Variants in PKHD1L1 observed in about 807,000 individuals in gnomAD.
PKHD1L1 encodes the protein PKHD1 like 1, also known as fibrocystin-L.
In PKHD1L1, 434 loss-of-function variants were observed where a neutral mutation model predicts 462.9. The observed-to-expected ratio is 0.94, with a 90% CI of 0.87 to 1.02. The LOEUF (loss-of-function observed/expected upper bound fraction) is 1.02. Among genes scored for constraint, PKHD1L1 ranks in the 50% least tolerant of loss-of-function variants. The probability of loss-of-function intolerance (pLI) is 0.00; values close to 1 mark genes in which losing one functional copy is unlikely to be tolerated. For missense variants in PKHD1L1, 5,202 were observed against 5,096.1 expected (o/e 1.02, Z -0.63); for synonymous variants, 1,781 against 1,750.0 (o/e 1.02, Z -0.44).
At chr8:109,440,992 T>A in intron 33 of PKHD1L1, 140 bp downstream of exon 33, 1 of 1,040,256 alleles carries the variant, frequency 9.6e-7, no homozygotes. Flanking sequence ...TGTATTTGGT[T>A]AAAGTGATAA....
intron 26 of PKHD1L1, among the ~76,000 whole-genome samples, 182 bp from the exon 27 acceptor site, chr8:109,429,750 A>T (rs1273388200): frequency 6.6e-6 from 1 of 152,210 alleles, no homozygotes; most frequent in Non-Finnish European, 1.5e-5. Flanking sequence ...AATTAAAGTC[A>T]AAAGAGATTA....
chr8:109,523,805 A>G (rs1820683299), intron 76 of PKHD1L1, among the ~76,000 whole-genome samples: 1 of 152,212 alleles, frequency 6.6e-6, no homozygotes, highest in Non-Finnish European at 1.5e-5. Context: ...TGAAAGCCAA[A>G]GCAAGAGAGA....
chr8:109,531,865 G>T lies in PKHD1L1; in HGVS notation c.*1775G>T, dbSNP rs554466615. On this transcript the variant is annotated 3_prime_UTR_variant, in exon 78 of 78. Transcript: ENST00000378402. ...AAAACCTCTGTTCCTGGGATAGGGA[G>T]GGGGAAAGAGACCCAACATGGGCCA... is the stretch of plus-strand genomic sequence containing the variant. Among the ~76,000 whole-genome samples, 2 of 152,078 alleles carry T rather than the reference G, an allele frequency of 1.3e-5. No homozygotes were observed. Among genetic ancestry groups the T allele is most frequent in the South Asian group, 2.1e-4 (1 of 4,816 alleles).
rs912598768 is a variant in PKHD1L1, at chr8:109,508,192, G to A, written c.11323G>A (p.Asp3775Asn). The A allele has an allele frequency of 1.4e-5, 23 of 1,613,322 alleles. No homozygotes were observed. The highest frequency in any genetic ancestry group is 1.9e-5 in the Non-Finnish European group (22 of 1,179,466). Residue 3775 changes from aspartate to asparagine, a missense_variant, in exon 70 of 78, where the codon GAT becomes AAT. By Grantham distance (23) the Asp-to-Asn change is conservative (BLOSUM62 1). Transcript: ENST00000378402. ...EYAMMVIESLDPDTETRRLSP... is the reference protein window; with the variant it reads ...EYAMMVIESLNPDTETRRLSP... ...TGCAATGATGGTTATTGAAAGTCTG[G>A]ATCCTGACACAGAAACTCGAAGACT... is the stretch of plus-strand genomic sequence containing the variant.
At chr8:109,407,758 C>A (rs147035574) in intron 17 of PKHD1L1, among the ~76,000 whole-genome samples, 2 of 152,274 alleles carry the variant, frequency 1.3e-5, no homozygotes, top group East Asian at 3.9e-4. Flanking sequence ...GATCTTTATT[C>A]ATGGTCCTAA....
At chr8:109,414,262 C>T (rs992544361) in intron 21 of PKHD1L1, among the ~76,000 whole-genome samples, 1 of 151,972 alleles carries the variant, frequency 6.6e-6, no homozygotes, top group Non-Finnish European at 1.5e-5. Flanking sequence ...TACAGTACTC[C>T]CCATACATTG....
chr8:109,421,850 C>T (rs186785743), intron 23 of PKHD1L1, among the ~76,000 whole-genome samples: 12 of 152,206 alleles, frequency 7.9e-5, no homozygotes, highest in African/African-American at 2.9e-4. Context: ...TCAAAATTCT[C>T]CCATTTTTCA....
rs114256323 is a variant in PKHD1L1, at chr8:109,413,097, A to G, written c.2236-324A>G. 9.9e-3 allele frequency among the ~76,000 whole-genome samples: 1,507 copies of G among 152,200 alleles called. 31 individuals carry two copies. Among genetic ancestry groups the G allele is most frequent in the African/African-American group, 0.034 (1,427 of 41,548 alleles). ...CTTTTCTATGTGCATTGGACTTTTA[A>G]ATTTACTGAGTAGCTTAGAGTTAGT... On this transcript the variant is annotated intron_variant, in intron 20 of 77. Transcript: ENST00000378402.
At chr8:109,473,239 C>A (rs548896909) in intron 50 of PKHD1L1, among the ~76,000 whole-genome samples, 3 of 152,174 alleles carry the variant, frequency 2.0e-5, no homozygotes, top group East Asian at 3.9e-4. Context: ...AGGCTGGGTG[C>A]GGTGGCTCAT....
At chr8:109,419,554 G>A (rs1814360779) in intron 22 of PKHD1L1, among the ~76,000 whole-genome samples, 2 of 151,392 alleles carry the variant, frequency 1.3e-5, no homozygotes, top group African/African-American at 4.9e-5. Context: ...TTTTTGCTTT[G>A]TTTTATTTTT....
intron 51 of PKHD1L1, among the ~76,000 whole-genome samples, chr8:109,475,490 G>C (rs1817934301): frequency 6.6e-6 from 1 of 152,046 alleles, no homozygotes; most frequent in African/African-American, 2.4e-5. Context: ...CCACATTGCT[G>C]TAGTACTAAG....
At chr8:109,426,269 A>G (rs1055940575) in intron 24 of PKHD1L1, among the ~76,000 whole-genome samples, 1 of 152,106 alleles carries the variant, frequency 6.6e-6, no homozygotes, top group African/African-American at 2.4e-5. Context: ...TTTTAAAAAT[A>G]AAAGTATTTC....
At chr8:109,367,691 T>C (rs1280090528) in intron 2 of PKHD1L1, among the ~76,000 whole-genome samples, 2 of 152,250 alleles carry the variant, frequency 1.3e-5, no homozygotes, top group African/African-American at 2.4e-5. Context: ...GAGACTAGCC[T>C]GGGCAACCAG....
rs1818616911 is a variant in PKHD1L1 at position 109,487,883 on chromosome 8, AG to A, written c.9880+1063del. Among the ~76,000 whole-genome samples the A allele has an allele frequency of 2.9e-4, 42 of 144,156 alleles. 1 individual carries two copies. The South Asian group carries it at 9.7e-3, about 33-fold the overall frequency. 94.6% of individuals were successfully genotyped at this position (144,156 alleles called of 152,430 possible). On this transcript the variant is annotated intron_variant, in intron 59 of 77. Coordinates refer to ENST00000378402, the MANE Select transcript of PKHD1L1 (RefSeq NM_177531.6). ...GAGAGAAAGACAGAGAGAAAGAGAG[AG>A]AGAGAGAGGAAGGAAGGAAGGAAGG...
chr8:109,392,734 T>A (rs778874563), intron 9 of PKHD1L1, among the ~76,000 whole-genome samples: 2 of 152,218 alleles, frequency 1.3e-5, no homozygotes, highest in African/African-American at 2.4e-5. Flanking sequence ...ATTTTTTGAA[T>A]GTTAAATCAT....
At chr8:109,504,549 C>T (rs1819597805) in intron 68 of PKHD1L1, 57 bp downstream of exon 68, 15 of 1,082,950 alleles carry the variant, frequency 1.4e-5, no homozygotes, top group Non-Finnish European at 1.6e-5. Context: ...TTCTCACTTC[C>T]TCCTGCTCAA....
intron 2 of PKHD1L1, among the ~76,000 whole-genome samples, chr8:109,373,909 T>A (rs556619683): frequency 1.4e-4 from 21 of 152,218 alleles, no homozygotes; most frequent in African/African-American, 5.1e-4. Flanking sequence ...TGCTGAGGAG[T>A]GCTTTACTTC....
Position 109,389,075 on chromosome 8 carries a change from T to A in PKHD1L1, c.624-4T>A. Reference sequence around the variant, plus strand: ...AGCTTTGACATTAACTTTTTTTTAATTAGATATGGTCTAAAACTGGATCAT... The same window carrying A: ...AGCTTTGACATTAACTTTTTTTTAAATAGATATGGTCTAAAACTGGATCAT... On this transcript the variant is annotated splice_polypyrimidine_tract_variant and splice_region_variant and intron_variant, in intron 7 of 77. Transcript: ENST00000378402. The A allele has an allele frequency of 6.3e-7, 1 of 1,584,650 alleles. No individual in the cohort carries two copies. The highest frequency in any genetic ancestry group is 8.6e-7 in the Non-Finnish European group (1 of 1,161,312).
Position 109,362,648 on chromosome 8 carries a change from G to A in PKHD1L1, c.68G>A (p.Ser23Asn). ...CGLLLCAADP[S>N]TDGSQIIPKV... Reference sequence around the variant, plus strand: ...CTGCTCCTGTGTGCCGCGGATCCCAGCACAGGTAACCCTTTGGGCACGCTA... The same window carrying A: ...CTGCTCCTGTGTGCCGCGGATCCCAACACAGGTAACCCTTTGGGCACGCTA... The change falls in exon 1 of 78, where the codon AGC (serine) becomes AAC (asparagine). Residue 23 changes from serine (S) to asparagine (N), a missense_variant. Around this residue, in one of 3 missense-constraint regions of PKHD1L1, gnomAD observed 4,497 missense variants for 4,336.8 expected, o/e 1.04. Coordinates refer to ENST00000378402, the MANE Select transcript of PKHD1L1 (RefSeq NM_177531.6). The A allele has an allele frequency of 6.2e-7, 1 of 1,601,838 alleles. No individual in the cohort carries two copies. The highest frequency in any genetic ancestry group is 8.5e-7 in the Non-Finnish European group (1 of 1,174,224).
Sources: gnomAD v4.1 joint callset for allele counts (sites outside exome capture counted in the v4.1 genomes callset) on GRCh38, gnomAD v4.1.1 for gene constraint, gnomAD v4.1.1 regional missense constraint, MANE v1.5 for transcripts, NCBI Gene and HGNC (gene_info 2026-07-23, HGNC 2026-07-21) for gene names.